The following TAFA4 variants were observed in gnomAD, a reference collection of about 807,000 sequenced individuals.
The protein encoded by TAFA4 is chemokine-like protein TAFA-4.
TAFA4 carries 20 observed loss-of-function variants against 21.1 expected under a neutral mutation model. The ratio of observed to expected loss-of-function variants is 0.95; its 90% CI spans 0.67 to 1.38. The LOEUF (loss-of-function observed/expected upper bound fraction) is 1.38. Ranked by LOEUF, TAFA4 falls within the 40% of genes most tolerant of loss-of-function variation. TAFA4 has a pLI of 0.00. For synonymous variants in TAFA4, 71 were observed against 67.4 expected (o/e 1.05, Z -0.26); for missense variants, 211 against 180.9 (o/e 1.17, Z -0.95).
chr3:68,881,095 C>A (rs913415177), intron 2 of TAFA4, among the ~76,000 whole-genome samples: 1 of 152,234 alleles, frequency 6.6e-6, no homozygotes, highest in Admixed American at 6.5e-5. Flanking sequence ...ATTTATGAAT[C>A]TGCAAGTTGT....
intron 3 of TAFA4, among the ~76,000 whole-genome samples, chr3:68,812,346 G>A (rs1703861353): frequency 6.6e-6 from 1 of 152,066 alleles, no homozygotes; most frequent in African/African-American, 2.4e-5. Flanking sequence ...AATGTAAGTG[G>A]GCTAAATGCT....
At chr3:68,912,005 G>C (rs1210929290) in intron 1 of TAFA4, among the ~76,000 whole-genome samples, 1 of 152,152 alleles carries the variant, frequency 6.6e-6, no homozygotes, top group Admixed American at 6.5e-5. Flanking sequence ...GCATTCCAGT[G>C]AATCACTGAT....
At chr3:68,742,864 C>A (rs1702383221) in intron 4 of TAFA4, among the ~76,000 whole-genome samples, 1 of 152,144 alleles carries the variant, frequency 6.6e-6, no homozygotes, top group Admixed American at 6.5e-5. Context: ...AATGCTAGAG[C>A]CCAAGTGCTA....
At chr3:68,924,857 A>C (rs996726622) in intron 1 of TAFA4, among the ~76,000 whole-genome samples, 3 of 151,956 alleles carry the variant, frequency 2.0e-5, no homozygotes, top group African/African-American at 7.3e-5. Flanking sequence ...CTCCTTACCC[A>C]CTCCCCACTG....
chr3:68,871,154 C>T (rs969370877), intron 3 of TAFA4, among the ~76,000 whole-genome samples: 1 of 152,068 alleles, frequency 6.6e-6, no homozygotes, highest in African/African-American at 2.4e-5. Flanking sequence ...GTGGCAATTC[C>T]TCAAGGATCT....
intron 3 of TAFA4, among the ~76,000 whole-genome samples, chr3:68,783,669 C>CAGAGAGAGAG (rs1413204711): frequency 1.0e-4 from 11 of 106,634 alleles, no homozygotes; most frequent in African/African-American, 3.1e-4. Context: ...CAGACACACA[C>CAGAGAGAGAG]ACACAGAGAG....
chr3:68,739,752 T>C (rs187291789), intron 4 of TAFA4, among the ~76,000 whole-genome samples: 44 of 152,316 alleles, frequency 2.9e-4, no homozygotes, highest in Non-Finnish European at 5.3e-4. Flanking sequence ...GATCATTATC[T>C]TAAGTGAAAT....
At chr3:68,790,344 TAAAA>T (rs1415062384) in intron 3 of TAFA4, among the ~76,000 whole-genome samples, 5 of 150,892 alleles carry the variant, frequency 3.3e-5, no homozygotes, top group Admixed American at 3.3e-4. Flanking sequence ...ATTATTCAAA[TAAAA>T]GAAAGCAGGA....
intron 1 of TAFA4, among the ~76,000 whole-genome samples, chr3:68,905,209 C>T (rs942408475): frequency 7.9e-6 from 1 of 126,808 alleles, no homozygotes; most frequent in African/African-American, 3.1e-5. Context: ...GGCTAGAGTG[C>T]AAGTGGTGCG....
At chr3:68,748,115 C>T (rs979769616) in intron 4 of TAFA4, among the ~76,000 whole-genome samples, 2 of 152,200 alleles carry the variant, frequency 1.3e-5, no homozygotes, top group Admixed American at 6.5e-5. Context: ...AACTAGTAAA[C>T]TCTGAGTTCC....
intron 3 of TAFA4, among the ~76,000 whole-genome samples, chr3:68,811,947 G>A (rs1370012940): frequency 6.6e-6 from 1 of 152,046 alleles, no homozygotes; most frequent in East Asian, 1.9e-4. Flanking sequence ...ACCCACAAAG[G>A]GAAGCCCATC....
intron 5 of TAFA4, among the ~76,000 whole-genome samples, chr3:68,733,517 T>C (rs1702188385): frequency 6.6e-6 from 1 of 152,224 alleles, no homozygotes; most frequent in South Asian, 2.1e-4. Context: ...AATCAGTGCA[T>C]GTCAAGATAA....
intron 3 of TAFA4, among the ~76,000 whole-genome samples, chr3:68,814,542 A>G (rs923469656): frequency 9.2e-5 from 14 of 152,202 alleles, no homozygotes; most frequent in African/African-American, 3.4e-4. Context: ...CAGCCAAATC[A>G]TGAGTGAACT....
chr3:68,907,827 AG>A (rs2089919627), intron 1 of TAFA4, among the ~76,000 whole-genome samples: 1 of 152,230 alleles, frequency 6.6e-6, no homozygotes, highest in African/African-American at 2.4e-5. Flanking sequence ...GCGAATAAAA[AG>A]GAATAAAAAT....
intron 3 of TAFA4, among the ~76,000 whole-genome samples, chr3:68,775,773 C>T (rs150293956): frequency 6.6e-6 from 1 of 152,190 alleles, no homozygotes; most frequent in Non-Finnish European, 1.5e-5. Context: ...TCCAGCTTAA[C>T]TGCTGGCTAG....
chr3:68,865,435 T>A (rs1282445670), intron 3 of TAFA4, among the ~76,000 whole-genome samples: 2 of 152,026 alleles, frequency 1.3e-5, no homozygotes, highest in Non-Finnish European at 2.9e-5. Flanking sequence ...TTCCCTGTAC[T>A]GTTTTCACAA....
intron 3 of TAFA4, among the ~76,000 whole-genome samples, chr3:68,832,620 C>A (rs2106880895): frequency 6.6e-6 from 1 of 152,340 alleles, no homozygotes; most frequent in East Asian, 1.9e-4. Context: ...AGGTGTCTCC[C>A]AGTCAGGCTA....
chr3:68,757,232 T>C (rs1347084097), intron 3 of TAFA4, among the ~76,000 whole-genome samples: 2 of 152,126 alleles, frequency 1.3e-5, no homozygotes, highest in Admixed American at 6.5e-5. Context: ...TGCAGTCACC[T>C]TCTTGCTGTG....
chr3:68,911,644 A>G (rs1447562464), intron 1 of TAFA4, among the ~76,000 whole-genome samples: 1 of 152,230 alleles, frequency 6.6e-6, no homozygotes. Flanking sequence ...CGGAGAACAA[A>G]TCAGGAAGGG....
Sources: gnomAD v4.1 joint callset for allele counts (sites outside exome capture counted in the v4.1 genomes callset) on GRCh38, gnomAD v4.1.1 for gene constraint, MANE v1.5 for transcripts, NCBI Gene and HGNC (gene_info 2026-07-23, HGNC 2026-07-21) for gene names.